Variants in C11orf65 observed in about 807,000 individuals in gnomAD.
C11orf65 encodes the protein protein MFI.
C11orf65 carries 38 observed loss-of-function variants against 35.3 expected under a neutral mutation model. The observed-to-expected ratio is 1.08, with a 90% CI of 0.83 to 1.41. The LOEUF (loss-of-function observed/expected upper bound fraction) is 1.41, where lower values mean the gene tolerates loss of function less well. Among genes scored for constraint, C11orf65 ranks in the 40% most tolerant of loss-of-function variants. The pLI is 0.00. For synonymous variants in C11orf65, 105 were observed against 114.4 expected, an observed-to-expected ratio of 0.92 and a Z score of 0.53; for missense variants, 370 against 367.1, an observed-to-expected ratio of 1.01 and a Z score of -0.06.
rs2136526454 is a variant in C11orf65, at chr11:108,332,001, T to C, written c.300-434A>G. 6.2e-7 allele frequency: 1 copy of C among 1,614,038 alleles called. No homozygotes were observed. Among genetic ancestry groups the C allele is most frequent in the Non-Finnish European group, 8.5e-7 (1 of 1,179,954 alleles). ...AGGTAGCCAGAAGAAGCAGAATAAC[T>C]AAAAATGTGCCTAAACAAAGCTCTC... On this transcript the variant is annotated intron_variant, in intron 3 of 3. Coordinates refer to the C11orf65 transcript ENST00000524755.
At chr11:108,466,245 A>G (rs1312269522) in intron 1 of C11orf65, among the ~76,000 whole-genome samples, 1 of 152,144 alleles carries the variant, frequency 6.6e-6, no homozygotes, top group East Asian at 1.9e-4. Context: ...TAAAATAACC[A>G]TTGTGAAAAC....
At chr11:108,407,586 C>T (rs2092565479) in intron 3 of C11orf65, among the ~76,000 whole-genome samples, 1 of 150,646 alleles carries the variant, frequency 6.6e-6, no homozygotes, top group African/African-American at 2.4e-5. Context: ...TCCCAAAGTG[C>T]TAAGATTACA....
At chr11:108,352,617 A>G (rs2137248009) in intron 2 of C11orf65, among the ~76,000 whole-genome samples, 1 of 152,376 alleles carries the variant, frequency 6.6e-6, no homozygotes, top group South Asian at 2.1e-4. Context: ...ACAAATGTGT[A>G]TAGCAGCTTT....
chr11:108,329,071 A>G (rs750569023), downstream of C11orf65: 107 of 1,614,162 alleles, frequency 6.6e-5, 1 homozygote, highest in South Asian at 1.1e-3. Context: ...ATGAGCTAAG[A>G]AATGGAAAAA....
intron 3 of C11orf65, among the ~76,000 whole-genome samples, chr11:108,411,091 TTTC>T (rs1448084789): frequency 6.6e-6 from 1 of 152,190 alleles, no homozygotes; most frequent in Non-Finnish European, 1.5e-5. Flanking sequence ...ATTTTTAATT[TTTC>T]TTCTTTTCTA....
At chr11:108,370,110 T>C (rs995712539) in intron 2 of C11orf65, among the ~76,000 whole-genome samples, 2 of 152,306 alleles carry the variant, frequency 1.3e-5, no homozygotes, top group Non-Finnish European at 2.9e-5. Context: ...TTGTTCCTAA[T>C]GTCACTCAGT....
chr11:108,449,239 C>T (rs918053370), intron 2 of C11orf65, among the ~76,000 whole-genome samples: 20 of 151,984 alleles, frequency 1.3e-4, no homozygotes, highest in Non-Finnish European at 1.6e-4. Flanking sequence ...AATGCCATCC[C>T]CATCAAGCTA....
At chr11:108,439,499 G>A (rs1008560644) in intron 2 of C11orf65, among the ~76,000 whole-genome samples, 6 of 152,070 alleles carry the variant, frequency 3.9e-5, no homozygotes, top group African/African-American at 1.2e-4. Context: ...AGAAAGCAAT[G>A]GCTCAAACAG....
intron 3 of C11orf65, among the ~76,000 whole-genome samples, chr11:108,423,950 A>G (rs1228993303): frequency 1.3e-5 from 2 of 152,244 alleles, no homozygotes; most frequent in African/African-American, 2.4e-5. Flanking sequence ...AAAGATGAGG[A>G]AAAACAGGCA....
chr11:108,466,215 G>A (rs1361707280), intron 1 of C11orf65, among the ~76,000 whole-genome samples: 1 of 152,084 alleles, frequency 6.6e-6, no homozygotes, highest in Non-Finnish European at 1.5e-5. Flanking sequence ...GACTTTATAT[G>A]GTTATTATGA....
intron 2 of C11orf65, among the ~76,000 whole-genome samples, chr11:108,354,070 A>ACACACACACACACACACACAC (rs2089570249): frequency 8.7e-6 from 1 of 114,832 alleles, no homozygotes; most frequent in African/African-American, 3.0e-5. Context: ...CACACACACA[A>ACACACACACACACACACACAC]ACACACACAC....
chr11:108,402,390 A>C (rs181420007), intron 6 of C11orf65, among the ~76,000 whole-genome samples: 2 of 152,112 alleles, frequency 1.3e-5, no homozygotes, highest in Non-Finnish European at 2.9e-5. Flanking sequence ...CCCTTATCTT[A>C]GTGCAAAAGA....
intron 1 of C11orf65, among the ~76,000 whole-genome samples, chr11:108,464,836 C>A (rs749561950): frequency 9.9e-5 from 15 of 151,850 alleles, no homozygotes; most frequent in Non-Finnish European, 2.1e-4. Context: ...GCATTTAGTT[C>A]AGATATATAC....
At chr11:108,440,303 T>C (rs566460889) in intron 2 of C11orf65, among the ~76,000 whole-genome samples, 1 of 152,258 alleles carries the variant, frequency 6.6e-6, no homozygotes, top group South Asian at 2.1e-4. Context: ...CAACCACCAT[T>C]TTATTATGCT....
intron 3 of C11orf65, among the ~76,000 whole-genome samples, chr11:108,431,096 G>C (rs576409592): frequency 8.6e-5 from 13 of 151,960 alleles, no homozygotes; most frequent in African/African-American, 3.1e-4. Context: ...ATAGCTTTGG[G>C]AAATAATCTG....
intron 2 of C11orf65, among the ~76,000 whole-genome samples, chr11:108,440,168 C>T (rs1358819033): frequency 6.6e-6 from 1 of 152,198 alleles, no homozygotes. Flanking sequence ...AAGGTAGAGA[C>T]TAACTAATCA....
intron 6 of C11orf65, among the ~76,000 whole-genome samples, chr11:108,398,093 T>C (rs1323207274): frequency 2.6e-5 from 4 of 152,152 alleles, no homozygotes; most frequent in Non-Finnish European, 4.4e-5. Context: ...AGAGGAAATA[T>C]CATGGGAGGT....
chr11:108,353,244 GT>G (rs1161255595), intron 2 of C11orf65, among the ~76,000 whole-genome samples: 1 of 152,010 alleles, frequency 6.6e-6, no homozygotes, highest in Non-Finnish European at 1.5e-5. Context: ...CACCTCCCAG[GT>G]TCAAGTGATT....
intron 3 of C11orf65, among the ~76,000 whole-genome samples, chr11:108,410,711 C>CTTTT (rs35785036): frequency 0.01 from 1,403 of 136,638 alleles, 39 homozygotes; most frequent in African/African-American, 0.036. Context: ...CTTCCTTTTA[C>CTTTT]TTTTTTTTTT....
Sources: allele counts gnomAD v4.1 joint callset (sites outside exome capture counted in the v4.1 genomes callset), GRCh38; gene constraint gnomAD v4.1.1; transcripts MANE v1.5; gene names NCBI Gene and HGNC (gene_info 2026-07-23, HGNC 2026-07-21).